The following GPHN variants were observed in gnomAD, a reference collection of about 807,000 sequenced individuals.
GPHN encodes gephyrin.
Under a neutral mutation model 95.5 loss-of-function variants are expected in GPHN, and 17 were observed. That is an observed-to-expected ratio of 0.18 (90% CI 0.12 to 0.27). GPHN has a LOEUF of 0.27. GPHN is among the 10% of genes least tolerant of loss of function. GPHN has a pLI of 1.00. For synonymous variants in GPHN, 320 were observed against 322.5 expected (o/e 0.99, Z 0.08); for missense variants, 660 against 978.1 (o/e 0.67, Z 4.34).
At chr14:66,945,822 A>G (rs551421718) in intron 8 of GPHN, among the ~76,000 whole-genome samples, 1 of 152,324 alleles carries the variant, frequency 6.6e-6, no homozygotes, top group Non-Finnish European at 1.5e-5. Flanking sequence ...GTTTACATTA[A>G]TAAAATTTTC....
At chr14:66,845,828 T>G (rs1441462493) in intron 4 of GPHN, among the ~76,000 whole-genome samples, 1 of 146,134 alleles carries the variant, frequency 6.8e-6, no homozygotes, top group Non-Finnish European at 1.5e-5. Flanking sequence ...TCTGTGTGTG[T>G]GTGTGTGTGT....
chr14:67,414,012 G>A, the GPHN span, among the ~76,000 whole-genome samples: 1 of 152,194 alleles, frequency 6.6e-6, no homozygotes. Flanking sequence ...AACCTAGCTG[G>A]GCTGAAAGCC....
the GPHN span, chr14:67,650,615 T>C: frequency 1.8e-6 from 2 of 1,094,024 alleles, no homozygotes; most frequent in African/African-American, 1.6e-5. Flanking sequence ...AAATGGACTC[T>C]TGTTTTTACT....
the GPHN span, chr14:67,585,950 G>C: frequency 1.8e-5 from 29 of 1,610,432 alleles, no homozygotes; most frequent in Non-Finnish European, 2.2e-5. Context: ...CCTTTCCACA[G>C]CAAGTGCACA....
rs201145976 is a variant in GPHN at position 66,961,769 on chromosome 14, G to A, written c.829-3422G>A. On this transcript the variant is annotated intron_variant, in intron 8 of 22. Coordinates refer to ENST00000478722, the MANE Select transcript of GPHN (RefSeq NM_020806.5). ...TGAATAATACCAACAATGCTGGGTG[G>A]AACTGAGTTGTAGAATAAGAGAAAC... 2.2e-4 allele frequency among the ~76,000 whole-genome samples: 33 copies of A among 150,888 alleles called. No homozygotes were observed. The East Asian group carries it at 5.6e-3, about 26-fold the overall frequency.
At chr14:67,178,794 C>A (rs1373886436) in intron 21 of GPHN, among the ~76,000 whole-genome samples, 1 of 151,566 alleles carries the variant, frequency 6.6e-6, no homozygotes, top group Non-Finnish European at 1.5e-5. Flanking sequence ...AAGTTAAAGA[C>A]AAAGAATTAT....
chr14:67,673,290 G>A, the GPHN span, among the ~76,000 whole-genome samples: 2 of 152,074 alleles, frequency 1.3e-5, no homozygotes, highest in Non-Finnish European at 2.9e-5. Flanking sequence ...GTTGCAGTGA[G>A]CCGAGATCGT....
chr14:66,553,222 C>A (rs1466564453), intron 1 of GPHN, among the ~76,000 whole-genome samples: 1 of 152,022 alleles, frequency 6.6e-6, no homozygotes, highest in African/African-American at 2.4e-5. Flanking sequence ...AACTTTTGAC[C>A]TCAGGCAATC....
intron 14 of GPHN, among the ~76,000 whole-genome samples, 187 bp from the exon 15 acceptor site, chr14:67,111,674 C>G (rs1453945315): frequency 6.6e-6 from 1 of 151,964 alleles, no homozygotes; most frequent in Non-Finnish European, 1.5e-5. Flanking sequence ...TTTATTGGCA[C>G]CAAACCTTCT....
At chr14:67,494,292 A>G in the GPHN span, among the ~76,000 whole-genome samples, 5 of 152,214 alleles carry the variant, frequency 3.3e-5, no homozygotes, top group Admixed American at 1.3e-4. Context: ...GGATAAGAGG[A>G]CCCATTACAT....
chr14:66,607,794 A>G (rs1335354519), intron 1 of GPHN, among the ~76,000 whole-genome samples: 3 of 152,004 alleles, frequency 2.0e-5, no homozygotes, highest in African/African-American at 7.2e-5. Context: ...AGAGATGTTC[A>G]TAATAGTCTC....
chr14:66,521,800 G>A (rs1309106792), intron 1 of GPHN, among the ~76,000 whole-genome samples: 1 of 152,068 alleles, frequency 6.6e-6, no homozygotes, highest in African/African-American at 2.4e-5. Context: ...ATTTTGGAGG[G>A]GGACGCACAC....
the GPHN span, among the ~76,000 whole-genome samples, chr14:67,406,420 G>T: frequency 6.6e-6 from 1 of 152,120 alleles, no homozygotes; most frequent in East Asian, 1.9e-4. Context: ...TCCTGGTTGT[G>T]TGGAGTTAGG....
chr14:67,342,557 C>CTT, the GPHN span, among the ~76,000 whole-genome samples: 2,591 of 136,936 alleles, frequency 0.019, 38 homozygotes, highest in African/African-American at 0.024. Flanking sequence ...ACGAATTATC[C>CTT]TTTTTTTTTT....
At chr14:66,632,135 A>G (rs182974315) in intron 1 of GPHN, among the ~76,000 whole-genome samples, 1 of 152,298 alleles carries the variant, frequency 6.6e-6, no homozygotes, top group Non-Finnish European at 1.5e-5. Context: ...TCTTGTCTAT[A>G]AAGAGGGGAG....
chr14:67,149,058 T>G (rs1261841323), intron 18 of GPHN, among the ~76,000 whole-genome samples: 1 of 151,908 alleles, frequency 6.6e-6, no homozygotes, highest in Non-Finnish European at 1.5e-5. Context: ...GAAAATAAAT[T>G]ACTGGGCTGG....
At chr14:66,768,433 C>G (rs975346278) in intron 2 of GPHN, among the ~76,000 whole-genome samples, 2 of 151,888 alleles carry the variant, frequency 1.3e-5, no homozygotes, top group Admixed American at 1.3e-4. Context: ...ATTCTAAACA[C>G]TAGGCCAAGT....
intron 9 of GPHN, among the ~76,000 whole-genome samples, chr14:67,009,849 C>G (rs1241823203): frequency 6.6e-6 from 1 of 152,006 alleles, no homozygotes; most frequent in Non-Finnish European, 1.5e-5. Context: ...ACCTCCACCT[C>G]CCAGGTTCAA....
the GPHN span, among the ~76,000 whole-genome samples, chr14:67,440,625 G>A: frequency 6.6e-6 from 1 of 152,112 alleles, no homozygotes; most frequent in Non-Finnish European, 1.5e-5. Context: ...GGTTGTGCAT[G>A]TCTGTAGTCT....
Sources: allele counts gnomAD v4.1 joint callset (sites outside exome capture counted in the v4.1 genomes callset), GRCh38; gene constraint gnomAD v4.1.1; transcripts MANE v1.5; gene names NCBI Gene and HGNC (gene_info 2026-07-23, HGNC 2026-07-21).